The following SDCCAG8 variants were observed in gnomAD, a reference collection of about 807,000 sequenced individuals.
SDCCAG8 encodes SHH signaling and ciliogenesis regulator SDCCAG8, also known as serologically defined colon cancer antigen 8.
A neutral mutation model predicts 101.8 loss-of-function variants in SDCCAG8; 74 were observed. That is an observed-to-expected ratio of 0.73 (90% confidence interval 0.60 to 0.88). The LOEUF (loss-of-function observed/expected upper bound fraction) is 0.88. Among genes scored for constraint, SDCCAG8 ranks in the 40% least tolerant of loss-of-function variants. SDCCAG8 has a pLI of 0.00. For missense variants in SDCCAG8, 787 were observed against 822.6 expected (o/e 0.96, Z 0.53); for synonymous variants, 281 against 292.9 (o/e 0.96, Z 0.41).
At chr1:243,279,787 T>G (rs1471855639) in intron 4 of SDCCAG8, among the ~76,000 whole-genome samples, 1 of 152,204 alleles carries the variant, frequency 6.6e-6, no homozygotes. Context: ...TTTTTTACAT[T>G]GTTGGATTTG....
intron 9 of SDCCAG8, among the ~76,000 whole-genome samples, chr1:243,320,890 C>T (rs2073702360): frequency 1.3e-5 from 2 of 152,178 alleles, no homozygotes; most frequent in Admixed American, 6.5e-5. Context: ...CTGTATATTA[C>T]TTTAGCCTTA....
rs532285638 is a variant in SDCCAG8 at position 243,386,715 on chromosome 1, T to C, written c.1616+7852T>C. Among the ~76,000 whole-genome samples the C allele has an allele frequency of 2.6e-4, 39 of 151,640 alleles. No individual in the cohort carries two copies. In the South Asian group the frequency reaches 8.1e-3, roughly 32 times the overall value. On this transcript the variant is annotated intron_variant, in intron 13 of 17. Transcript: ENST00000366541. ...TTACAGTGAGCCGAGATTGCGCCAC[T>C]GCACTCCAGCCTGGGTGACAGAGCG...
At chr1:243,301,583 C>T (rs1029836737) in intron 6 of SDCCAG8, among the ~76,000 whole-genome samples, 1 of 152,150 alleles carries the variant, frequency 6.6e-6, no homozygotes, top group Non-Finnish European at 1.5e-5. Context: ...AATATAAGGA[C>T]CATTGTACAA....
intron 16 of SDCCAG8, among the ~76,000 whole-genome samples, chr1:243,444,274 A>T (rs1000094538): frequency 6.6e-6 from 1 of 152,150 alleles, no homozygotes; most frequent in African/African-American, 2.4e-5. Flanking sequence ...GACAAGCCAC[A>T]TTGCTAGTAA....
intron 16 of SDCCAG8, among the ~76,000 whole-genome samples, chr1:243,444,912 T>C (rs1011311228): frequency 1.3e-5 from 2 of 152,218 alleles, no homozygotes; most frequent in African/African-American, 4.8e-5. Flanking sequence ...ACATTTAAGA[T>C]ATAACATCTT....
At chr1:243,300,647 A>G (rs1166977210) in intron 6 of SDCCAG8, among the ~76,000 whole-genome samples, 3 of 152,124 alleles carry the variant, frequency 2.0e-5, no homozygotes, top group Non-Finnish European at 4.4e-5. Flanking sequence ...TGATCTACTT[A>G]CTTTCCAAAC....
At chr1:243,324,945 A>G (rs180967700) in intron 9 of SDCCAG8, among the ~76,000 whole-genome samples, 1 of 152,344 alleles carries the variant, frequency 6.6e-6, no homozygotes, top group Admixed American at 6.5e-5. Context: ...GTAATAATCT[A>G]TGAAGTATCT....
intron 6 of SDCCAG8, among the ~76,000 whole-genome samples, chr1:243,302,366 C>T (rs1470957754): frequency 6.6e-6 from 1 of 152,058 alleles, no homozygotes; most frequent in Non-Finnish European, 1.5e-5. Flanking sequence ...TCACAAAGGA[C>T]ATTTATTAGT....
chr1:243,378,528 A>G (rs1383688157), intron 12 of SDCCAG8, among the ~76,000 whole-genome samples, 193 bp from the exon 13 acceptor site: 1 of 152,204 alleles, frequency 6.6e-6, no homozygotes, highest in Non-Finnish European at 1.5e-5. Flanking sequence ...TCATTTTACA[A>G]TCCAAAATAA....
chr1:243,322,917 A>T (rs1309738160), intron 9 of SDCCAG8, among the ~76,000 whole-genome samples: 1 of 151,924 alleles, frequency 6.6e-6, no homozygotes, highest in East Asian at 1.9e-4. Flanking sequence ...CAGGCAGATC[A>T]CGAGGTCAAG....
intron 13 of SDCCAG8, among the ~76,000 whole-genome samples, chr1:243,398,129 T>G (rs1026880099): frequency 6.6e-6 from 1 of 152,222 alleles, no homozygotes; most frequent in Non-Finnish European, 1.5e-5. Context: ...TTCTGCACAC[T>G]GCTCACAGAG....
At chr1:243,274,928 C>T (rs569010090) in intron 4 of SDCCAG8, among the ~76,000 whole-genome samples, 1 of 152,254 alleles carries the variant, frequency 6.6e-6, no homozygotes, top group South Asian at 2.1e-4. Flanking sequence ...AGAAGTTTTC[C>T]TTCTCACCCC....
intron 12 of SDCCAG8, among the ~76,000 whole-genome samples, chr1:243,350,365 C>T (rs1035855380): frequency 4.6e-5 from 7 of 152,036 alleles, no homozygotes; most frequent in Non-Finnish European, 1.0e-4. Flanking sequence ...CACGCCACCA[C>T]CCCCAGCTAT....
intron 8 of SDCCAG8, among the ~76,000 whole-genome samples, chr1:243,309,523 G>A (rs2072504112): frequency 6.6e-6 from 1 of 152,104 alleles, no homozygotes; most frequent in Non-Finnish European, 1.5e-5. Context: ...TGTTGTTTTC[G>A]AGTTGGGGTC....
chr1:243,319,283 C>T (rs763227838), intron 9 of SDCCAG8, among the ~76,000 whole-genome samples: 1 of 152,220 alleles, frequency 6.6e-6, no homozygotes, highest in African/African-American at 2.4e-5. Flanking sequence ...TCACACTCCT[C>T]TTTGAAATCA....
At chr1:243,434,419 A>G (rs1247454223) in intron 16 of SDCCAG8, among the ~76,000 whole-genome samples, 1 of 152,232 alleles carries the variant, frequency 6.6e-6, no homozygotes, top group Non-Finnish European at 1.5e-5. Context: ...ATTATTTTAT[A>G]ATATAAAATT....
chr1:243,408,862 A>G (rs1385022376), intron 13 of SDCCAG8, among the ~76,000 whole-genome samples: 1 of 152,230 alleles, frequency 6.6e-6, no homozygotes, highest in Non-Finnish European at 1.5e-5. Context: ...TGTAAACATT[A>G]GTAATTAGTA....
intron 6 of SDCCAG8, among the ~76,000 whole-genome samples, chr1:243,299,432 A>G (rs2071272839): frequency 6.6e-6 from 1 of 152,118 alleles, no homozygotes; most frequent in Admixed American, 6.6e-5. Flanking sequence ...CCCCACACAA[A>G]GGCAGGGTTT....
At chr1:243,273,387 G>A (rs2068254995) in intron 3 of SDCCAG8, among the ~76,000 whole-genome samples, 3 of 151,968 alleles carry the variant, frequency 2.0e-5, no homozygotes, top group Admixed American at 2.0e-4. Flanking sequence ...TTATGTGATG[G>A]GTATATGATT....
Sources: allele counts gnomAD v4.1 joint callset (sites outside exome capture counted in the v4.1 genomes callset), GRCh38; gene constraint gnomAD v4.1.1; transcripts MANE v1.5; gene names NCBI Gene and HGNC (gene_info 2026-07-23, HGNC 2026-07-21).